The following TMEM132D variants were observed in gnomAD, a reference collection of about 807,000 sequenced individuals.
The protein encoded by TMEM132D is transmembrane protein 132D, also known as mature OL transmembrane protein.
Under a neutral mutation model 62.3 loss-of-function variants are expected in TMEM132D, and 21 were observed. The observed-to-expected ratio is 0.34, with a 90% confidence interval of 0.24 to 0.49. TMEM132D has a LOEUF of 0.49. Among genes scored for constraint, TMEM132D ranks in the 20% least tolerant of loss-of-function variants. TMEM132D has a pLI of 0.99. For synonymous variants in TMEM132D, 621 were observed against 575.6 expected (o/e 1.08, Z -1.13); for missense variants, 1,346 against 1,402.8 (o/e 0.96, Z 0.65).
At chr12:129,669,133 C>A (rs1341658896) in intron 2 of TMEM132D, among the ~76,000 whole-genome samples, 3 of 152,044 alleles carry the variant, frequency 2.0e-5, no homozygotes, top group Admixed American at 2.0e-4. Flanking sequence ...ATTTAAAAAG[C>A]CTAAGTGAAA....
chr12:129,255,650 G>A lies in TMEM132D; in HGVS notation c.1300-45987C>T, dbSNP rs78971119. Among the ~76,000 whole-genome samples the A allele has an allele frequency of 2.6e-4, 39 of 152,068 alleles. No homozygotes were observed. In the East Asian group the frequency reaches 7.3e-3, roughly 29 times the overall value. On this transcript the variant is annotated intron_variant, in intron 4 of 8. Transcript: ENST00000422113. ...ATACCTGGCAATCTTATGACTTTAC[G>A]TGTCCTCAACCTTCACCTGTCCCTC...
At chr12:129,165,714 C>T (rs942084495) in intron 5 of TMEM132D, among the ~76,000 whole-genome samples, 2 of 151,808 alleles carry the variant, frequency 1.3e-5, no homozygotes, top group Non-Finnish European at 2.9e-5. Context: ...AGATACTCTG[C>T]CATGTTAAAA....
chr12:129,624,408 A>C (rs1429765610), intron 2 of TMEM132D, among the ~76,000 whole-genome samples: 1 of 152,220 alleles, frequency 6.6e-6, no homozygotes, highest in African/African-American at 2.4e-5. Context: ...AGCCAATTCA[A>C]AGACATGTGA....
At position 129,784,496 on chromosome 12, in the gene TMEM132D, C is replaced by T. The variant is rs539719861; in HGVS notation, c.80-83798G>A. On this transcript the variant is annotated intron_variant, in intron 1 of 8. Coordinates refer to ENST00000422113, the MANE Select transcript of TMEM132D (RefSeq NM_133448.3). ...TTCTCATAAATCCAGAGATAAAAGG[C>T]GGAGCACAAGATTCTTTGCATGCCT... Among the ~76,000 whole-genome samples the T allele has an allele frequency of 9.1e-4, 138 of 152,174 alleles. 3 individuals are homozygous for T. Among genetic ancestry groups the T allele is most frequent in the African/African-American group, 3.2e-3 (132 of 41,510 alleles).
chr12:129,758,441 T>C (rs1870242583), intron 1 of TMEM132D, among the ~76,000 whole-genome samples: 2 of 152,212 alleles, frequency 1.3e-5, no homozygotes. Context: ...AAAATTAAAA[T>C]TAATTATTAA....
At chr12:129,522,526 T>A (rs1312179934) in intron 3 of TMEM132D, 1 of 152,090 alleles carries the variant, frequency 6.6e-6, no homozygotes, top group Non-Finnish European at 1.5e-5. Flanking sequence ...TTCGGCAAGT[T>A]TGATAAAATA....
intron 2 of TMEM132D, among the ~76,000 whole-genome samples, chr12:129,575,414 T>C (rs1037683881): frequency 5.9e-5 from 9 of 151,782 alleles, no homozygotes; most frequent in Non-Finnish European, 1.2e-4. Context: ...TGCATGCTGG[T>C]GTTAGACATC....
chr12:129,434,860 T>C (rs886694794), intron 3 of TMEM132D, among the ~76,000 whole-genome samples: 2 of 152,144 alleles, frequency 1.3e-5, no homozygotes, highest in Non-Finnish European at 2.9e-5. Context: ...AAATATACAC[T>C]ACACTATTGT....
chr12:129,324,406 G>C (rs1347962009), intron 4 of TMEM132D, among the ~76,000 whole-genome samples: 1 of 152,200 alleles, frequency 6.6e-6, no homozygotes, highest in Non-Finnish European at 1.5e-5. Context: ...TGATAGAAGA[G>C]TTTAGACTCC....
chr12:129,627,554 T>C (rs1015003905), intron 2 of TMEM132D, among the ~76,000 whole-genome samples: 5 of 152,012 alleles, frequency 3.3e-5, no homozygotes, highest in African/African-American at 1.2e-4. Context: ...TGAACACCAA[T>C]GGGAGAAACC....
At chr12:129,749,170 T>G (rs181418641) in intron 1 of TMEM132D, among the ~76,000 whole-genome samples, 5 of 152,352 alleles carry the variant, frequency 3.3e-5, no homozygotes, top group Admixed American at 3.3e-4. Context: ...AGATCGATGC[T>G]AATTGACTCT....
intron 4 of TMEM132D, among the ~76,000 whole-genome samples, chr12:129,253,942 A>G (rs902163327): frequency 6.6e-6 from 1 of 152,228 alleles, no homozygotes; most frequent in East Asian, 1.9e-4. Context: ...GAAGTCAGTG[A>G]ACAACGTAAA....
intron 4 of TMEM132D, among the ~76,000 whole-genome samples, chr12:129,295,945 C>T (rs1021273535): frequency 4.6e-5 from 7 of 151,896 alleles, no homozygotes; most frequent in African/African-American, 1.7e-4. Context: ...GTTGGTTAAT[C>T]CACAAATGTG....
chr12:129,843,908 G>A (rs1367173600), intron 1 of TMEM132D, among the ~76,000 whole-genome samples: 1 of 151,756 alleles, frequency 6.6e-6, no homozygotes, highest in Non-Finnish European at 1.5e-5. Flanking sequence ...GGGCAATATA[G>A]TAAGACCCTG....
At chr12:129,634,008 C>T (rs1458439993) in intron 2 of TMEM132D, among the ~76,000 whole-genome samples, 4 of 152,148 alleles carry the variant, frequency 2.6e-5, no homozygotes, top group African/African-American at 9.7e-5. Context: ...CGGAGGAAGT[C>T]CTGGAGCTTT....
At chr12:129,734,134 A>G (rs1258833227) in intron 1 of TMEM132D, among the ~76,000 whole-genome samples, 1 of 152,192 alleles carries the variant, frequency 6.6e-6, no homozygotes, top group Non-Finnish European at 1.5e-5. Flanking sequence ...AGCTGTACCC[A>G]TTCCTCTGGA....
chr12:129,409,490 C>T (rs982112194), intron 3 of TMEM132D, among the ~76,000 whole-genome samples: 6 of 152,264 alleles, frequency 3.9e-5, no homozygotes, highest in Middle Eastern at 3.4e-3. Flanking sequence ...TAATCATTTC[C>T]GCTCTAGCAG....
At chr12:129,514,543 T>C (rs1875616903) in intron 3 of TMEM132D, among the ~76,000 whole-genome samples, 1 of 152,196 alleles carries the variant, frequency 6.6e-6, no homozygotes, top group Non-Finnish European at 1.5e-5. Context: ...TCTCTGATCA[T>C]GCTAACCTCA....
intron 4 of TMEM132D, chr12:129,210,196 C>T (rs1335844428): frequency 1.3e-5 from 2 of 154,198 alleles, no homozygotes. Flanking sequence ...GCTTAAGCCG[C>T]CGAAGGATGG....
Sources: gnomAD v4.1 joint callset for allele counts (sites outside exome capture counted in the v4.1 genomes callset) on GRCh38, gnomAD v4.1.1 for gene constraint, MANE v1.5 for transcripts, NCBI Gene and HGNC (gene_info 2026-07-23, HGNC 2026-07-21) for gene names.